Variants in FRMD4A observed in about 807,000 individuals in gnomAD.
The protein encoded by FRMD4A is FERM domain containing 4A, also known as FERM domain-containing protein 4A.
Under a neutral mutation model 129.1 loss-of-function variants are expected in FRMD4A, and 29 were observed. The ratio of observed to expected loss-of-function variants is 0.22; its 90% confidence interval spans 0.17 to 0.31. The LOEUF is 0.31. Ranked by LOEUF, FRMD4A falls within the 10% of genes least tolerant of loss-of-function variation. The probability of loss-of-function intolerance (pLI) is 1.00; values close to 1 mark genes in which losing one functional copy is unlikely to be tolerated. For synonymous variants in FRMD4A, 634 were observed against 571.6 expected, an observed-to-expected ratio of 1.11 and a Z score of -1.56; for missense variants, 1,272 against 1,375.8, an observed-to-expected ratio of 0.92 and a Z score of 1.19.
chr10:13,960,191 C>T (rs955750733), intron 2 of FRMD4A, among the ~76,000 whole-genome samples: 6 of 152,188 alleles, frequency 3.9e-5, no homozygotes, highest in East Asian at 1.9e-4. Context: ...GAATCTTTGG[C>T]GGCAGCTTGT....
chr10:13,862,447 C>T (rs2094307639), intron 2 of FRMD4A, among the ~76,000 whole-genome samples: 1 of 152,170 alleles, frequency 6.6e-6, no homozygotes. Context: ...AAAAATAATC[C>T]TCATTACATA....
intron 2 of FRMD4A, among the ~76,000 whole-genome samples, chr10:14,240,601 C>T (rs1183675026): frequency 1.3e-5 from 2 of 152,164 alleles, no homozygotes; most frequent in African/African-American, 4.8e-5. Context: ...CACAAATCCA[C>T]ATGCCCATTA....
At chr10:14,031,194 AT>A (rs955093745) in intron 2 of FRMD4A, among the ~76,000 whole-genome samples, 1 of 152,098 alleles carries the variant, frequency 6.6e-6, no homozygotes, top group African/African-American at 2.4e-5. Context: ...TTTCTAAGGC[AT>A]TTGTTTGCTA....
chr10:14,307,898 C>T (rs1301586713), intron 2 of FRMD4A, among the ~76,000 whole-genome samples: 1 of 152,186 alleles, frequency 6.6e-6, no homozygotes, highest in African/African-American at 2.4e-5. Flanking sequence ...TACTGGGGTC[C>T]TTACTTCAAT....
At chr10:14,038,773 G>T (rs1390169534) in intron 2 of FRMD4A, among the ~76,000 whole-genome samples, 1 of 152,180 alleles carries the variant, frequency 6.6e-6, no homozygotes, top group Non-Finnish European at 1.5e-5. Flanking sequence ...TGACTTTAGT[G>T]AGCTAAAACT....
At chr10:14,320,804 G>A (rs190920694) in intron 2 of FRMD4A, among the ~76,000 whole-genome samples, 237 of 152,280 alleles carry the variant, frequency 1.6e-3, no homozygotes, top group Non-Finnish European at 2.7e-3. Context: ...CAAATATATC[G>A]AGAAGAGTGC....
At chr10:13,866,058 T>C (rs1393045789) in intron 2 of FRMD4A, among the ~76,000 whole-genome samples, 2 of 152,176 alleles carry the variant, frequency 1.3e-5, no homozygotes, top group African/African-American at 4.8e-5. Flanking sequence ...ATATTCATTT[T>C]TGAGACAATA....
At chr10:14,176,911 G>C (rs747144569) in intron 2 of FRMD4A, among the ~76,000 whole-genome samples, 65 of 152,048 alleles carry the variant, frequency 4.3e-4, no homozygotes, top group Non-Finnish European at 8.7e-4. Flanking sequence ...CATCCTCCCC[G>C]GTTATTGGCC....
intron 2 of FRMD4A, among the ~76,000 whole-genome samples, chr10:14,329,084 C>T (rs1037547870): frequency 7.9e-5 from 12 of 152,190 alleles, no homozygotes; most frequent in East Asian, 3.9e-4. Flanking sequence ...TTCCCACTGA[C>T]GGCTCTTCCA....
At chr10:14,161,954 A>T (rs1440807211) in intron 2 of FRMD4A, among the ~76,000 whole-genome samples, 2 of 150,860 alleles carry the variant, frequency 1.3e-5, no homozygotes, top group Non-Finnish European at 3.0e-5. Context: ...TGCAAAGGCA[A>T]AAAAAGGAAT....
intron 2 of FRMD4A, among the ~76,000 whole-genome samples, chr10:14,034,825 C>G (rs2131666288): frequency 6.6e-6 from 1 of 152,320 alleles, no homozygotes; most frequent in African/African-American, 2.4e-5. Flanking sequence ...GATGCCTCCC[C>G]TCATTGGCTT....
rs1843488428 is a variant in FRMD4A, at chr10:14,330,786, C to T, written c.-271G>A. 1 of 398,740 alleles carries T rather than the reference C, an allele frequency of 2.5e-6. No individual in the cohort carries two copies. 24.7% of individuals were successfully genotyped at this position (398,740 alleles called of 1,614,324 possible). On this transcript the variant is annotated 5_prime_UTR_variant, in exon 1 of 25. An upstream open reading frame in the 5' UTR loses its in-frame stop. Transcript: ENST00000357447. ...ACTGACCCTTCCACCTTCCCCAGAT[C>T]TACTTTTCCTCTCCAAGTAGACTGG...
chr10:14,248,025 T>C (rs1291138439), intron 2 of FRMD4A, among the ~76,000 whole-genome samples: 2 of 152,206 alleles, frequency 1.3e-5, no homozygotes, highest in Admixed American at 6.5e-5. Flanking sequence ...CAAACCTTCC[T>C]GCTGTCCCTA....
intron 14 of FRMD4A, among the ~76,000 whole-genome samples, chr10:13,695,444 G>C (rs1460090858): frequency 6.6e-6 from 1 of 152,186 alleles, no homozygotes. Flanking sequence ...CCTGGCTAAA[G>C]CAGTGGTTTT....
chr10:14,101,962 A>G (rs896759917), intron 2 of FRMD4A, among the ~76,000 whole-genome samples: 4 of 152,208 alleles, frequency 2.6e-5, no homozygotes, highest in Admixed American at 2.0e-4. Context: ...ATAGAACTTA[A>G]TGAAAAAAAT....
At chr10:13,893,519 C>A (rs1415123393) in intron 2 of FRMD4A, among the ~76,000 whole-genome samples, 1 of 151,798 alleles carries the variant, frequency 6.6e-6, no homozygotes, top group Non-Finnish European at 1.5e-5. Context: ...TTCAGACCTA[C>A]AACATTTTTT....
At chr10:14,075,993 C>T (rs1835576083) in intron 2 of FRMD4A, among the ~76,000 whole-genome samples, 1 of 152,124 alleles carries the variant, frequency 6.6e-6, no homozygotes, top group South Asian at 2.1e-4. Context: ...TATTTTGAAC[C>T]ACAGGAGGAT....
chr10:13,762,930 G>A (rs940652279), intron 6 of FRMD4A, among the ~76,000 whole-genome samples: 3 of 152,084 alleles, frequency 2.0e-5, no homozygotes, highest in Non-Finnish European at 4.4e-5. Context: ...AGCTGTGATA[G>A]TACCACCGCA....
At position 14,204,547 on chromosome 10, in the gene FRMD4A, G is replaced by A. The variant is rs751015772; in HGVS notation, c.45+125511C>T. Among the ~76,000 whole-genome samples, 6 of 152,042 alleles carry A rather than the reference G, an allele frequency of 3.9e-5. No homozygotes were observed. The South Asian group carries it at 8.3e-4, about 21-fold the overall frequency. Reference sequence around the variant, plus strand: ...CGTCACGGTGAATTGCCATAGTCACGGTTCATTCCTTTTCTCGCAACTACA... The same window carrying A: ...CGTCACGGTGAATTGCCATAGTCACAGTTCATTCCTTTTCTCGCAACTACA... On this transcript the variant is annotated intron_variant, in intron 2 of 24. Transcript: ENST00000357447.
Sources: gnomAD v4.1 joint callset for allele counts (sites outside exome capture counted in the v4.1 genomes callset) on GRCh38, gnomAD v4.1.1 for gene constraint, MANE v1.5 for transcripts, NCBI Gene and HGNC (gene_info 2026-07-23, HGNC 2026-07-21) for gene names.